Variants in SLIT2 observed in about 807,000 individuals in gnomAD.
SLIT2 encodes the protein slit guidance ligand 2.
In SLIT2, 41 loss-of-function variants were observed where a neutral mutation model predicts 185.7. The ratio of observed to expected loss-of-function variants is 0.22; its 90% confidence interval spans 0.17 to 0.29. The LOEUF (loss-of-function observed/expected upper bound fraction) is 0.29, where lower values mean the gene tolerates loss of function less well. Among genes scored for constraint, SLIT2 ranks in the 10% least tolerant of loss-of-function variants. The pLI, the probability that SLIT2 is intolerant of heterozygous loss-of-function variation, is 1.00. For synonymous variants in SLIT2, 693 were observed against 680.2 expected, an observed-to-expected ratio of 1.02 and a Z score of -0.29; for missense variants, 1,571 against 1,909.0, an observed-to-expected ratio of 0.82 and a Z score of 3.30.
chr4:20,319,170 G>C (rs1012707129), intron 4 of SLIT2, among the ~76,000 whole-genome samples: 4 of 152,144 alleles, frequency 2.6e-5, no homozygotes, highest in African/African-American at 9.7e-5. Flanking sequence ...GCAATGTGCT[G>C]TACCTAACAT....
At position 20,268,734 on chromosome 4, in the gene SLIT2, A is replaced by G. The variant is rs906687410; in HGVS notation, c.324-76A>G. 4.4e-6 allele frequency: 4 copies of G among 905,564 alleles called. No homozygotes were observed. The Admixed American group carries it at 5.1e-5, about 12-fold the overall frequency. 56.1% of individuals were successfully genotyped at this position (905,564 alleles called of 1,614,324 possible). On this transcript the variant is annotated intron_variant, in intron 3 of 36. Coordinates refer to ENST00000504154, the MANE Select transcript of SLIT2 (RefSeq NM_004787.4). ...TCTTTTCTGAAATACAGGATGAGGC[A>G]TGACACTACCAAATCACAGTCTCAT...
chr4:20,553,823 T>G lies in SLIT2; in HGVS notation c.2580T>G (p.Pro860=). ...TTTCCAGAGCAATTGGAGCCAACCC[T>G]CTTTACTGTGATTGTAACATGCAGT... ...ALSHLAIGAN[P]LYCDCNMQWL... is the part of the protein sequence containing the mutation. Residue 860 remains proline, a synonymous_variant, in exon 26 of 37, where the codon CCT becomes CCG. Transcript: ENST00000504154. 7.6e-6 allele frequency: 12 copies of G among 1,586,942 alleles called. No individual in the cohort carries two copies. Among genetic ancestry groups the G allele is most frequent in the Non-Finnish European group, 1.0e-5 (12 of 1,170,998 alleles).
chr4:20,385,353 A>G (rs1025116105), intron 4 of SLIT2, among the ~76,000 whole-genome samples: 1 of 152,200 alleles, frequency 6.6e-6, no homozygotes, highest in African/African-American at 2.4e-5. Flanking sequence ...AGCTCTTTGC[A>G]CAGTGAGCTA....
At position 20,488,981 on chromosome 4, in the gene SLIT2, T is replaced by C; in HGVS notation, c.774T>C (p.Ser258=). The change falls in exon 8 of 37, where the codon AGT becomes AGC. Residue 258 remains serine, a splice_region_variant and synonymous_variant. Coordinates refer to ENST00000504154, the MANE Select transcript of SLIT2 (RefSeq NM_004787.4). The part of the protein sequence containing the change: ...AEVQKREFVC[S]GHQSFMAPSC... ...TTCAAAAACGAGAATTTGTCTGCAG[T>C]GGTAAGGGAGAAGGAAGAGTGATGT... 1.9e-6 allele frequency: 3 copies of C among 1,607,962 alleles called. No individual in the cohort carries two copies. The highest frequency in any genetic ancestry group is 1.7e-4 in the Middle Eastern group (1 of 6,018).
rs553648643 is a variant in SLIT2 at position 20,504,441 on chromosome 4, T to C, written c.915-6054T>C. ...TACAGACACAATCAATCCAAAGACATATTTTACTGGGTATTATAAAAACTT... is the reference window on the plus strand; with the variant it reads ...TACAGACACAATCAATCCAAAGACACATTTTACTGGGTATTATAAAAACTT... On this transcript the variant is annotated intron_variant, in intron 9 of 36. Coordinates refer to ENST00000504154, the MANE Select transcript of SLIT2 (RefSeq NM_004787.4). Among the ~76,000 whole-genome samples the C allele has an allele frequency of 2.6e-5, 4 of 152,246 alleles. No individual in the cohort carries two copies. The South Asian group carries it at 8.3e-4, about 32-fold the overall frequency.
At chr4:20,277,336 GACAA>G (rs760095862) in intron 4 of SLIT2, among the ~76,000 whole-genome samples, 1 of 151,956 alleles carries the variant, frequency 6.6e-6, no homozygotes, top group Non-Finnish European at 1.5e-5. Flanking sequence ...TTTTAAGGAA[GACAA>G]ACAGTTTAAC....
intron 4 of SLIT2, among the ~76,000 whole-genome samples, chr4:20,369,806 T>C (rs1489358247): frequency 1.3e-5 from 2 of 152,068 alleles, no homozygotes; most frequent in Non-Finnish European, 2.9e-5. Flanking sequence ...CTGGAGGTAT[T>C]TGAAGTTTCT....
At chr4:20,537,663 G>A (rs953512661) in intron 18 of SLIT2, among the ~76,000 whole-genome samples, 2 of 152,080 alleles carry the variant, frequency 1.3e-5, no homozygotes, top group Non-Finnish European at 2.9e-5. Context: ...AATCTAGTTA[G>A]GTTTCAACAA....
At chr4:20,566,082 T>G (rs1725067729) in intron 26 of SLIT2, among the ~76,000 whole-genome samples, 1 of 151,984 alleles carries the variant, frequency 6.6e-6, no homozygotes, top group African/African-American at 2.4e-5. Context: ...TGCAGGTAGT[T>G]TATGTGAGTA....
intron 18 of SLIT2, among the ~76,000 whole-genome samples, chr4:20,535,103 A>G (rs1722153531): frequency 2.0e-5 from 3 of 152,218 alleles, no homozygotes; most frequent in Non-Finnish European, 4.4e-5. Context: ...GTTCAAGACC[A>G]GCCTGGCCAA....
intron 18 of SLIT2, 57 bp from the exon 19 acceptor site, chr4:20,539,384 G>C: frequency 6.8e-7 from 1 of 1,459,860 alleles, no homozygotes; most frequent in Non-Finnish European, 9.1e-7. Context: ...CCTCAGATAG[G>C]CAAAATTGAT....
At chr4:20,291,450 A>T (rs1246029147) in intron 4 of SLIT2, among the ~76,000 whole-genome samples, 1 of 33,472 alleles carries the variant, frequency 3.0e-5, no homozygotes. Flanking sequence ...GAAACCTCAT[A>T]TATATATATA....
At chr4:20,432,262 A>G (rs1340766222) in intron 4 of SLIT2, among the ~76,000 whole-genome samples, 1 of 152,168 alleles carries the variant, frequency 6.6e-6, no homozygotes, top group Admixed American at 6.5e-5. Flanking sequence ...AAAAGACAGA[A>G]AGGAAAATAA....
intron 6 of SLIT2, among the ~76,000 whole-genome samples, chr4:20,485,801 G>A (rs887089493): frequency 4.6e-5 from 7 of 152,086 alleles, no homozygotes; most frequent in Admixed American, 2.6e-4. Flanking sequence ...ATTCAAATAC[G>A]TTCATTGACT....
At position 20,332,913 on chromosome 4, in the gene SLIT2, CTT is replaced by C. The variant is rs140209240; in HGVS notation, c.395+64033_395+64034del. Among the ~76,000 whole-genome samples, 1,457 of 152,060 alleles carry C rather than the reference CTT, an allele frequency of 9.6e-3. 20 individuals are homozygous for C. Among genetic ancestry groups the C allele is most frequent in the African/African-American group, 0.033 (1,352 of 41,476 alleles). ...TATTTTAGGGGCAGAAAAGGGAAAA[CTT>C]AGTGTAAAGAGAGGTCTTATGTAAG... On this transcript the variant is annotated intron_variant, in intron 4 of 36. Transcript: ENST00000504154.
chr4:20,417,921 A>C (rs968872718), intron 4 of SLIT2, among the ~76,000 whole-genome samples: 1 of 152,150 alleles, frequency 6.6e-6, no homozygotes, highest in Non-Finnish European at 1.5e-5. Flanking sequence ...CCTAAATGGC[A>C]TATGTGTTCC....
At chr4:20,491,302 A>G (rs955896290) in intron 8 of SLIT2, among the ~76,000 whole-genome samples, 5 of 152,216 alleles carry the variant, frequency 3.3e-5, no homozygotes, top group African/African-American at 7.2e-5. Context: ...TTGAGCAACA[A>G]TTATCTTCTG....
Position 20,567,333 on chromosome 4 carries a change from T to C in SLIT2, c.2797T>C (p.Cys933Arg). 6.2e-7 allele frequency: 1 copy of C among 1,613,056 alleles called. No individual in the cohort carries two copies. Among genetic ancestry groups the C allele is most frequent in the Admixed American group, 1.7e-5 (1 of 59,950 alleles). The change falls in exon 27 of 37, where the codon TGT becomes CGT. Residue 933 changes from cysteine (C) to arginine (R), a missense_variant. By Grantham distance (180) the Cys-to-Arg change is radical. Around this residue, in one of 3 missense-constraint regions of SLIT2, gnomAD observed 1,202 missense variants for 1,416.4 expected, o/e 0.85. Transcript: ENST00000504154. ...AAATCCGTGTAAAAATGATGGCACA[T>C]GTAATAGTGATCCAGTTGACTTTTA... Reference protein sequence around the residue: ...LSNPCKNDGTCNSDPVDFYRC... With the variant: ...LSNPCKNDGTRNSDPVDFYRC...
intron 34 of SLIT2, among the ~76,000 whole-genome samples, chr4:20,612,741 C>T (rs1420187971): frequency 2.0e-5 from 3 of 151,930 alleles, no homozygotes; most frequent in East Asian, 1.9e-4. Flanking sequence ...CACGGTGAAA[C>T]CCCGTCTCTA....
Sources: allele counts gnomAD v4.1 joint callset (sites outside exome capture counted in the v4.1 genomes callset), GRCh38; gene constraint gnomAD v4.1.1; regional missense constraint gnomAD v4.1.1; transcripts MANE v1.5; gene names NCBI Gene and HGNC (gene_info 2026-07-23, HGNC 2026-07-21).